The following DNAH9 variants were observed in gnomAD, a reference collection of about 807,000 sequenced individuals.
The protein encoded by DNAH9 is dynein axonemal heavy chain 9, also known as DNAH9 variant protein.
A neutral mutation model predicts 471.6 loss-of-function variants in DNAH9; 345 were observed. That is an observed-to-expected ratio of 0.73 (90% CI 0.67 to 0.80). The LOEUF is 0.80. DNAH9 is among the 30% of genes least tolerant of loss of function. The pLI, the probability that DNAH9 is intolerant of heterozygous loss-of-function variation, is 0.00. For missense variants in DNAH9, 5,407 were observed against 5,609.2 expected (o/e 0.96, Z 1.15); for synonymous variants, 2,093 against 2,123.6 (o/e 0.99, Z 0.40).
intron 62 of DNAH9, among the ~76,000 whole-genome samples, chr17:11,926,035 G>GAAAAAAAAAAAAAAAAAAAAAAAAAAAA (rs71142253): frequency 6.7e-5 from 4 of 59,916 alleles, no homozygotes; most frequent in African/African-American, 2.4e-4. Flanking sequence ...GAGATTCTCT[G>GAAAAAAAAAAAAAAAAAAAAAAAAAAAA]AAAAAAAAAA....
rs892716008 is a variant in DNAH9, at chr17:11,694,008, C to T, written c.4745+10C>T. On this transcript the variant is annotated intron_variant, in intron 21 of 68. Transcript: ENST00000262442. ...AGGATATTCAGGGCAGGTGAGGGTC[C>T]GCCCATTACCCCTTCTCTAATAAGA... 4.9e-5 allele frequency: 79 copies of T among 1,611,042 alleles called. No homozygotes were observed. Among genetic ancestry groups the T allele is most frequent in the Middle Eastern group, 1.6e-4 (1 of 6,062 alleles).
In DNAH9 at chr17:11,689,705, T is replaced by G. The variant is rs569105062; in HGVS notation, c.3883T>G (p.Cys1295Gly). ...NVPDYKQLRQ[C>G]RKEVCQLKEL... ...CCCTGACTATAAGCAGCTGAGGCAG[T>G]GCAGGAAGGAGGTCTGCCAGCTGAA... The change falls in exon 20 of 69, where the codon TGC becomes GGC. Residue 1295 changes from cysteine (C) to glycine (G), a missense_variant. By Grantham distance (159) the Cys-to-Gly change is radical. This residue lies in a region of DNAH9 where 4,636 missense variants were observed against 4,900.3 expected (regional missense o/e 0.95). Transcript: ENST00000262442. 1 of 1,614,126 alleles carries G rather than the reference T, an allele frequency of 6.2e-7. No homozygotes were observed. The highest frequency in any genetic ancestry group is 2.2e-5 in the East Asian group (1 of 44,878).
intron 27 of DNAH9, among the ~76,000 whole-genome samples, chr17:11,722,294 G>A (rs2075073001): frequency 6.6e-6 from 1 of 152,208 alleles, no homozygotes; most frequent in African/African-American, 2.4e-5. Flanking sequence ...GCCACTGAAA[G>A]CATCTCACCT....
At chr17:11,624,599 A>G (rs919088667) in intron 6 of DNAH9, among the ~76,000 whole-genome samples, 2 of 152,172 alleles carry the variant, frequency 1.3e-5, no homozygotes, top group Admixed American at 6.5e-5. Flanking sequence ...GAGCTCACCC[A>G]TAGTTACACA....
At chr17:11,614,101 T>C (rs755212698) in intron 4 of DNAH9, among the ~76,000 whole-genome samples, 7 of 152,176 alleles carry the variant, frequency 4.6e-5, no homozygotes. Context: ...GTGTCAATGA[T>C]GGAAGAAAAT....
intron 38 of DNAH9, among the ~76,000 whole-genome samples, chr17:11,775,032 C>A (rs528203552): frequency 6.6e-6 from 1 of 152,154 alleles, no homozygotes; most frequent in South Asian, 2.1e-4. Flanking sequence ...CAACGCCCCC[C>A]ACCTGCCCTG....
chr17:11,640,495 C>T (rs2073251379), intron 10 of DNAH9, 111 bp downstream of exon 10: 1 of 786,200 alleles, frequency 1.3e-6, no homozygotes, highest in Non-Finnish European at 2.2e-6. Flanking sequence ...AAATCATCTT[C>T]CTTTCTTTCC....
intron 19 of DNAH9, among the ~76,000 whole-genome samples, chr17:11,685,163 G>A (rs192437614): frequency 3.9e-5 from 6 of 152,202 alleles, no homozygotes; most frequent in East Asian, 1.9e-4. Flanking sequence ...CTTTAACCCC[G>A]CCCAGGGAGG....
At position 11,843,889 on chromosome 17, in the gene DNAH9, A is replaced by ATATATATATG. The variant is rs1339573331; in HGVS notation, c.9507+8993_9507+8994insTATATATGTA. ...TATATATATATATATATATATATATATACACATAGAGAGAGAGAGAATAAT... is the reference window on the plus strand; with the variant it reads ...TATATATATATATATATATATATATATATATATATGTACACATAGAGAGAGAGAGAATAAT... On this transcript the variant is annotated intron_variant, in intron 49 of 68. Coordinates refer to ENST00000262442, the MANE Select transcript of DNAH9 (RefSeq NM_001372.4). Among the ~76,000 whole-genome samples the ATATATATATG allele has an allele frequency of 1.1e-4, 15 of 137,216 alleles. 1 individual carries two copies. The highest frequency in any genetic ancestry group is 4.0e-4 in the African/African-American group (15 of 37,396). The allele number at this position is 137,216 out of a possible 152,430, so 90.0% of individuals were successfully genotyped here. A position where few individuals can be genotyped will look rare whatever the true frequency, so the allele number is the denominator to read the frequency against.
At chr17:11,602,970 G>T (rs2321842) in intron 1 of DNAH9, among the ~76,000 whole-genome samples, 1 of 152,072 alleles carries the variant, frequency 6.6e-6, no homozygotes, top group Non-Finnish European at 1.5e-5. Context: ...CCATGCACAC[G>T]GTCTCTTCTC....
At chr17:11,905,576 A>G in intron 60 of DNAH9, 85 bp from the exon 61 acceptor site, 1 of 1,442,516 alleles carries the variant, frequency 6.9e-7, no homozygotes. Flanking sequence ...ATGTTCTTTC[A>G]TTTCTATAGG....
chr17:11,736,355 C>T (rs1028558922), intron 28 of DNAH9, among the ~76,000 whole-genome samples: 1 of 152,174 alleles, frequency 6.6e-6, no homozygotes, highest in African/African-American at 2.4e-5. Context: ...GAAACAGATC[C>T]CAATGGGTGA....
In DNAH9 at chr17:11,784,447, G is replaced by T. The variant is rs765369355; in HGVS notation, c.7969G>T (p.Ala2657Ser). 6.2e-7 allele frequency: 1 copy of T among 1,614,016 alleles called. No homozygotes were observed. The highest frequency in any genetic ancestry group is 8.5e-7 in the Non-Finnish European group (1 of 1,180,006). ...SIPPLIDLAL[A>S]FHQKIATTFL... ...CCCCCCACTGATCGATCTGGCCCTCGCCTTCCACCAGAAAATTGCTACCAC... is the reference window on the plus strand; with the variant it reads ...CCCCCCACTGATCGATCTGGCCCTCTCCTTCCACCAGAAAATTGCTACCAC... The change falls in exon 41 of 69, where the codon GCC (alanine) becomes TCC (serine). Residue 2657 changes from alanine to serine, a missense_variant. This residue lies in a region of DNAH9 where 4,636 missense variants were observed against 4,900.3 expected (regional missense o/e 0.95). Coordinates refer to ENST00000262442, the MANE Select transcript of DNAH9 (RefSeq NM_001372.4).
chr17:11,866,187 G>A (rs967031914), intron 50 of DNAH9, among the ~76,000 whole-genome samples: 3 of 150,902 alleles, frequency 2.0e-5, no homozygotes, highest in African/African-American at 7.3e-5. Flanking sequence ...ATGTACAGAT[G>A]GGTTTTTGGT....
At chr17:11,734,443 G>A (rs1241657321) in intron 28 of DNAH9, among the ~76,000 whole-genome samples, 2 of 152,180 alleles carry the variant, frequency 1.3e-5, no homozygotes, top group African/African-American at 2.4e-5. Flanking sequence ...TGGTTCACAC[G>A]TTCAGCAAAT....
In DNAH9 at chr17:11,911,300, C is replaced by T. The variant is rs75723737; in HGVS notation, c.11749+5491C>T. ...ATTTGTTGAAAAGACTATTCTTTCCCGGTTAAATGATGTTAGAACCCTTGT... is the reference window on the plus strand; with the variant it reads ...ATTTGTTGAAAAGACTATTCTTTCCTGGTTAAATGATGTTAGAACCCTTGT... On this transcript the variant is annotated intron_variant, in intron 61 of 68. Coordinates refer to ENST00000262442, the MANE Select transcript of DNAH9 (RefSeq NM_001372.4). 0.015 allele frequency among the ~76,000 whole-genome samples: 2,319 copies of T among 152,262 alleles called. 153 individuals are homozygous for T. In the East Asian group the frequency reaches 0.24, roughly 16 times the overall value.
rs2074299572 is a variant in DNAH9 at position 11,689,712 on chromosome 17, A to G, written c.3890A>G (p.Lys1297Arg). 1 of 1,614,120 alleles carries G rather than the reference A, an allele frequency of 6.2e-7. No individual in the cohort carries two copies. Among genetic ancestry groups the G allele is most frequent in the African/African-American group, 1.3e-5 (1 of 74,936 alleles). ...TATAAGCAGCTGAGGCAGTGCAGGA[A>G]GGAGGTCTGCCAGCTGAAGGAGCTC... ...PDYKQLRQCR[K>R]EVCQLKELWD... is the part of the protein sequence containing the mutation. Residue 1297 changes from lysine to arginine, a missense_variant, in exon 20 of 69, where the codon AAG (lysine) becomes AGG (arginine). Transcript: ENST00000262442.
At chr17:11,731,816 T>C (rs1237788632) in intron 28 of DNAH9, among the ~76,000 whole-genome samples, 1 of 152,142 alleles carries the variant, frequency 6.6e-6, no homozygotes, top group Admixed American at 6.5e-5. Context: ...ACATTTGGGT[T>C]GGTTCCAAGT....
At chr17:11,725,343 A>T (rs534651608) in intron 27 of DNAH9, among the ~76,000 whole-genome samples, 5 of 152,316 alleles carry the variant, frequency 3.3e-5, no homozygotes, top group Non-Finnish European at 2.9e-5. Context: ...GTGGGACTTT[A>T]TCACTGTCTG....
Sources: allele counts gnomAD v4.1 joint callset (sites outside exome capture counted in the v4.1 genomes callset), GRCh38; gene constraint gnomAD v4.1.1; regional missense constraint gnomAD v4.1.1; transcripts MANE v1.5; gene names NCBI Gene and HGNC (gene_info 2026-07-23, HGNC 2026-07-21).